Variants in TRPM4 observed in about 807,000 individuals in gnomAD.
The protein encoded by TRPM4 is transient receptor potential cation channel subfamily M member 4.
Under a neutral mutation model 135.6 loss-of-function variants are expected in TRPM4, and 124 were observed. That is an observed-to-expected ratio of 0.91 (90% CI 0.79 to 1.06). The LOEUF is 1.06. Among genes scored for constraint, TRPM4 ranks in the 50% least tolerant of loss-of-function variants. The probability of loss-of-function intolerance (pLI) is 0.00; values close to 1 mark genes in which losing one functional copy is unlikely to be tolerated. For missense variants in TRPM4, 1,658 were observed against 1,671.4 expected (o/e 0.99, Z 0.14); for synonymous variants, 745 against 705.6 (o/e 1.06, Z -0.88).
In TRPM4 at chr19:49,168,198, G is replaced by GTA. The variant is rs1413222915; in HGVS notation, c.449-61_449-60insAT. 20 of 1,607,744 alleles carry GTA rather than the reference G, an allele frequency of 1.2e-5. No homozygotes were observed. In the African/African-American group the frequency reaches 2.4e-4, roughly 19 times the overall value. On this transcript the variant is annotated intron_variant, in intron 4 of 24. Coordinates refer to ENST00000252826, the MANE Select transcript of TRPM4 (RefSeq NM_017636.4). ...CCCCCGCCGCCCAGTGTGTGTGTGT[G>GTA]TCTCTGTCTTATTCTTTGTTTCTCT...
intron 11 of TRPM4, 52 bp from the exon 12 acceptor site, chr19:49,183,026 T>C (rs575283071): frequency 1.2e-6 from 2 of 1,604,764 alleles, no homozygotes; most frequent in African/African-American, 2.7e-5. Flanking sequence ...GGGCTGGTGG[T>C]GGCCAGTGTT....
Position 49,187,320 on chromosome 19 carries a change from T to A in TRPM4, c.1744-1321T>A, listed in dbSNP as rs181535432. On this transcript the variant is annotated intron_variant, in intron 12 of 24. Coordinates refer to ENST00000252826, the MANE Select transcript of TRPM4 (RefSeq NM_017636.4). ...AGTTTTGAAGTTCCCTACACTGGCA[T>A]TTTTGGTCACCTCTCCAAGGGCTTT... Among the ~76,000 whole-genome samples, 162 of 152,122 alleles carry A rather than the reference T, an allele frequency of 1.1e-3. 1 individual carries two copies. The highest frequency in any genetic ancestry group is 3.6e-3 in the African/African-American group (150 of 41,504).
chr19:49,158,229 C>T lies in TRPM4; in HGVS notation c.62C>T (p.Thr21Met), dbSNP rs1399916515. ...AAGATCTTCAAGAAGAAGACCTGCA[C>T]GACGTTCATAGTTGACTCCACAGAT... ...IPKIFKKKTC[T>M]TFIVDSTDPG... Residue 21 changes from threonine (T) to methionine (M), a missense_variant, in exon 2 of 25, where the codon ACG (threonine) becomes ATG (methionine). Transcript: ENST00000252826. The T allele has an allele frequency of 1.9e-6, 3 of 1,613,780 alleles. No homozygotes were observed. The highest frequency in any genetic ancestry group is 1.3e-5 in the African/African-American group (1 of 74,844).
chr19:49,173,801 C>T (rs763913971), intron 9 of TRPM4, among the ~76,000 whole-genome samples: 1 of 152,028 alleles, frequency 6.6e-6, no homozygotes, highest in Non-Finnish European at 1.5e-5. Context: ...GGGAACATAC[C>T]CGCCCACCAC....
intron 16 of TRPM4, among the ~76,000 whole-genome samples, chr19:49,191,502 A>G (rs1968411789): frequency 1.3e-5 from 2 of 150,540 alleles, no homozygotes; most frequent in African/African-American, 4.9e-5. Flanking sequence ...CACCGGGCCC[A>G]GCCAGGGATT....
Position 49,181,447 on chromosome 19 carries a change from G to A in TRPM4, c.1249G>A (p.Asp417Asn). 6.2e-7 allele frequency: 1 copy of A among 1,613,296 alleles called. No individual in the cohort carries two copies. The highest frequency in any genetic ancestry group is 8.5e-7 in the Non-Finnish European group (1 of 1,179,858). ...TGCCCAGAGTGAACTCTTTCGGGGG[G>A]ACATCCAATGGCGGGTGAGGGGTCA... ...DIAQSELFRG[D>N]IQWRSFHLEA... Residue 417 changes from aspartate (D) to asparagine (N), a missense_variant, in exon 10 of 25, where the codon GAC becomes AAC. This residue lies in a region of TRPM4 where 1,412 missense variants were observed against 1,408.7 expected (regional missense o/e 1.00). Coordinates refer to ENST00000252826, the MANE Select transcript of TRPM4 (RefSeq NM_017636.4).
In TRPM4 at chr19:49,182,475, TCCA is replaced by T. The variant is rs1968014464; in HGVS notation, c.1264-102_1264-100del. On this transcript the variant is annotated intron_variant, in intron 10 of 24. Coordinates refer to ENST00000252826, the MANE Select transcript of TRPM4 (RefSeq NM_017636.4). ...ACCCATCCATCCATCCATCCATCCATCCATCCATCCATCCATCCATCCATCCGT... is the reference window on the plus strand; with the variant it reads ...ACCCATCCATCCATCCATCCATCCATTCCATCCATCCATCCATCCATCCGT... 1.2e-4 allele frequency: 105 copies of T among 844,438 alleles called. 2 individuals are homozygous for T. In the South Asian group the frequency reaches 1.5e-3, roughly 12 times the overall value. The allele number at this position is 844,438 out of a possible 1,614,324, so 52.3% of individuals were successfully genotyped here.
chr19:49,207,720 C>T (rs531849501), intron 20 of TRPM4, among the ~76,000 whole-genome samples: 1 of 149,602 alleles, frequency 6.7e-6, no homozygotes, highest in Non-Finnish European at 1.5e-5. Flanking sequence ...GTGGGCAGAT[C>T]ATGAGGTCAG....
At chr19:49,183,330 C>T in intron 12 of TRPM4, 118 bp downstream of exon 12, 6 of 1,312,884 alleles carry the variant, frequency 4.6e-6, no homozygotes, top group Non-Finnish European at 6.4e-6. Flanking sequence ...GGCGCCCCAT[C>T]CTCCGTCGCT....
chr19:49,195,257 C>T (rs368245863), intron 16 of TRPM4, among the ~76,000 whole-genome samples: 21 of 152,196 alleles, frequency 1.4e-4, no homozygotes, highest in Non-Finnish European at 2.5e-4. Flanking sequence ...CACTGCTTTT[C>T]GTTTTCCCAG....
chr19:49,162,821 G>A (rs1035828485), intron 2 of TRPM4, among the ~76,000 whole-genome samples: 28 of 151,986 alleles, frequency 1.8e-4, no homozygotes, highest in Non-Finnish European at 2.8e-4. Context: ...GAGTGCAGTG[G>A]TGCAATCTTG....
intron 9 of TRPM4, among the ~76,000 whole-genome samples, chr19:49,175,841 A>G (rs1967668399): frequency 6.8e-6 from 1 of 146,612 alleles, no homozygotes; most frequent in Non-Finnish European, 1.5e-5. Flanking sequence ...GTTAGCCAGG[A>G]TGGTCTCGAT....
chr19:49,158,001 G>A, intron 1 of TRPM4, 111 bp downstream of exon 1: 2 of 1,361,896 alleles, frequency 1.5e-6, no homozygotes, highest in African/African-American at 1.4e-5. Flanking sequence ...GGAGGAGGGG[G>A]ATGGGAGGGT....
At chr19:49,192,913 AG>A (rs1384944659) in intron 16 of TRPM4, among the ~76,000 whole-genome samples, 1 of 152,018 alleles carries the variant, frequency 6.6e-6, no homozygotes, top group African/African-American at 2.4e-5. Context: ...CCACTGAGAA[AG>A]GTTGATAGAA....
chr19:49,181,118 C>G (rs531585131), intron 9 of TRPM4, among the ~76,000 whole-genome samples: 1 of 152,190 alleles, frequency 6.6e-6, no homozygotes, highest in South Asian at 2.1e-4. Context: ...ATAAGTGATT[C>G]CTTTTGTTTC....
At position 49,198,813 on chromosome 19, in the gene TRPM4, G is replaced by GGTC. The variant is rs1371582489; in HGVS notation, c.2646-1486_2646-1484dup. 1.1e-4 allele frequency among the ~76,000 whole-genome samples: 17 copies of GGTC among 152,098 alleles called. No individual in the cohort carries two copies. In the East Asian group the frequency reaches 3.1e-3, roughly 28 times the overall value. On this transcript the variant is annotated intron_variant, in intron 17 of 24. Transcript: ENST00000252826. ...AGGGTCTCACTCTGTTGCCCAGGCT[G>GGTC]GTCTCAAACTCCAGGGCTCAAGCAA...
intron 14 of TRPM4, among the ~76,000 whole-genome samples, chr19:49,189,423 G>A (rs1968326841): frequency 6.6e-6 from 1 of 152,142 alleles, no homozygotes; most frequent in Non-Finnish European, 1.5e-5. Flanking sequence ...TTCTTTCAAA[G>A]GAAGTCCTAG....
At chr19:49,162,722 G>A (rs570548168) in intron 2 of TRPM4, among the ~76,000 whole-genome samples, 1 of 152,122 alleles carries the variant, frequency 6.6e-6, no homozygotes, top group Non-Finnish European at 1.5e-5. Context: ...CCTGGCCACA[G>A]GGGGCTACTG....
chr19:49,190,571 C>A, intron 15 of TRPM4, 125 bp from the exon 16 acceptor site: 1 of 1,052,096 alleles, frequency 9.5e-7, no homozygotes, highest in Non-Finnish European at 1.4e-6. Flanking sequence ...TTTGGGATGA[C>A]TTTAGGAGAC....
Sources: gnomAD v4.1 joint callset for allele counts (sites outside exome capture counted in the v4.1 genomes callset) on GRCh38, gnomAD v4.1.1 for gene constraint, gnomAD v4.1.1 regional missense constraint, MANE v1.5 for transcripts, NCBI Gene and HGNC (gene_info 2026-07-23, HGNC 2026-07-21) for gene names.